The following LGR5 variants were observed in gnomAD, a reference collection of about 807,000 sequenced individuals.
The protein encoded by LGR5 is leucine-rich repeat-containing G protein-coupled receptor 5.
A neutral mutation model predicts 76.7 loss-of-function variants in LGR5; 54 were observed. The observed-to-expected ratio is 0.70, with a 90% CI of 0.57 to 0.88. The LOEUF (loss-of-function observed/expected upper bound fraction) is 0.88. Ranked by LOEUF, LGR5 falls within the 40% of genes least tolerant of loss-of-function variation. The pLI, the probability that LGR5 is intolerant of heterozygous loss-of-function variation, is 0.00. For missense variants in LGR5, 1,078 were observed against 1,073.3 expected, an observed-to-expected ratio of 1.00 and a Z score of -0.06; for synonymous variants, 406 against 421.9, an observed-to-expected ratio of 0.96 and a Z score of 0.46.
chr12:71,464,243 C>T (rs2137231934), intron 1 of LGR5, among the ~76,000 whole-genome samples: 1 of 152,136 alleles, frequency 6.6e-6, no homozygotes, highest in African/African-American at 2.4e-5. Context: ...CTGTTGAATC[C>T]CTTGAGCTTA....
intron 4 of LGR5, 71 bp from the exon 5 acceptor site, chr12:71,553,002 G>T (rs537944515): frequency 4.2e-6 from 6 of 1,434,002 alleles, no homozygotes; most frequent in Admixed American, 3.5e-5. Context: ...CATGGGGAGG[G>T]TTTTCCTGCA....
chr12:71,558,252 A>G (rs1877875486), intron 6 of LGR5, among the ~76,000 whole-genome samples: 1 of 152,222 alleles, frequency 6.6e-6, no homozygotes, highest in Admixed American at 6.5e-5. Context: ...TTGAACAATA[A>G]CAGGAATGAA....
chr12:71,439,582 C>T (rs978598065), upstream of LGR5, among the ~76,000 whole-genome samples: 2 of 151,836 alleles, frequency 1.3e-5, no homozygotes, highest in African/African-American at 2.4e-5. Flanking sequence ...ATCTTCCAGG[C>T]GGAGGCTCAG....
intron 2 of LGR5, among the ~76,000 whole-genome samples, chr12:71,514,461 A>G (rs982953492): frequency 1.2e-4 from 18 of 151,760 alleles, no homozygotes; most frequent in African/African-American, 2.9e-4. Flanking sequence ...CCAGCTACTC[A>G]GGAGGCTGAG....
intron 1 of LGR5, among the ~76,000 whole-genome samples, chr12:71,497,780 G>T (rs1380248307): frequency 2.6e-5 from 4 of 152,194 alleles, no homozygotes; most frequent in African/African-American, 7.2e-5. Flanking sequence ...GCACTGTGCT[G>T]CTAAAGATGT....
At chr12:71,486,943 C>A (rs1252942215) in intron 1 of LGR5, among the ~76,000 whole-genome samples, 1 of 152,060 alleles carries the variant, frequency 6.6e-6, no homozygotes, top group African/African-American at 2.4e-5. Flanking sequence ...TACAAATGAC[C>A]CTAAGTTAAG....
intron 1 of LGR5, among the ~76,000 whole-genome samples, chr12:71,490,047 T>C (rs934628367): frequency 2.6e-5 from 4 of 151,916 alleles, no homozygotes; most frequent in Admixed American, 6.6e-5. Context: ...GGAGCATCAC[T>C]TGAGCTCAGG....
intron 1 of LGR5, among the ~76,000 whole-genome samples, chr12:71,475,057 G>C (rs1319694323): frequency 6.6e-6 from 1 of 152,118 alleles, no homozygotes; most frequent in East Asian, 1.9e-4. Context: ...TGCAAGTAGG[G>C]TTCAAGAAGA....
At chr12:71,475,244 A>G (rs1476559762) in intron 1 of LGR5, among the ~76,000 whole-genome samples, 1 of 152,242 alleles carries the variant, frequency 6.6e-6, no homozygotes, top group Non-Finnish European at 1.5e-5. Context: ...AAAGTTGGCT[A>G]TCAAGAAAGA....
intron 6 of LGR5, among the ~76,000 whole-genome samples, chr12:71,558,839 T>C (rs1000973478): frequency 1.3e-5 from 2 of 152,184 alleles, no homozygotes; most frequent in South Asian, 2.1e-4. Flanking sequence ...GTAAAGCACT[T>C]GTGAGTAATG....
At chr12:71,539,739 A>C (rs1225676404) in intron 4 of LGR5, among the ~76,000 whole-genome samples, 3 of 152,224 alleles carry the variant, frequency 2.0e-5, no homozygotes, top group South Asian at 2.1e-4. Flanking sequence ...TGGCCTCCCA[A>C]AGTGCCGGGA....
At chr12:71,531,565 G>A (rs907327583) in intron 3 of LGR5, among the ~76,000 whole-genome samples, 1 of 152,038 alleles carries the variant, frequency 6.6e-6, no homozygotes, top group Non-Finnish European at 1.5e-5. Flanking sequence ...TAACGTGGGG[G>A]TAGCTTTAAA....
Position 71,439,931 on chromosome 12 carries a change from C to A in LGR5, c.-150C>A. Reference sequence around the variant, plus strand: ...CCGCCGCGCTTCTCCTCGCCGCCCACGCCGTGGGGTCAGGAACGCGGCGTC... The same window carrying A: ...CCGCCGCGCTTCTCCTCGCCGCCCAAGCCGTGGGGTCAGGAACGCGGCGTC... On this transcript the variant is annotated 5_prime_UTR_variant, in exon 1 of 18. Transcript: ENST00000266674. The A allele has an allele frequency of 1.5e-6, 1 of 667,476 alleles. No individual in the cohort carries two copies. The highest frequency in any genetic ancestry group is 2.4e-6 in the Non-Finnish European group (1 of 416,298). 41.3% of individuals were successfully genotyped at this position (667,476 alleles called of 1,614,324 possible). A position where few individuals can be genotyped will look rare whatever the true frequency, so the allele number is the denominator to read the frequency against.
chr12:71,559,529 T>C, intron 6 of LGR5, 57 bp from the exon 7 acceptor site: 2 of 923,712 alleles, frequency 2.2e-6, no homozygotes, highest in Non-Finnish European at 3.5e-6. Flanking sequence ...TCCTTGTAAA[T>C]AGAGTATATA....
chr12:71,524,815 A>C (rs1451244729), intron 3 of LGR5, among the ~76,000 whole-genome samples: 2 of 152,190 alleles, frequency 1.3e-5, no homozygotes, highest in Non-Finnish European at 2.9e-5. Flanking sequence ...TGACAGGATG[A>C]ATAAATCACT....
At chr12:71,447,412 G>GA (rs1370059063) in intron 1 of LGR5, among the ~76,000 whole-genome samples, 10 of 152,126 alleles carry the variant, frequency 6.6e-5, no homozygotes, top group Non-Finnish European at 1.5e-4. Context: ...AAAGTCAACA[G>GA]AAAAAACAGT....
chr12:71,570,567 T>A lies in LGR5; in HGVS notation c.1071-947T>A, dbSNP rs192837886. On this transcript the variant is annotated intron_variant, in intron 11 of 17. Transcript: ENST00000266674. ...CCATATTAATAATCAGGTATATTTG[T>A]GCATAGGTGTGAGATTTTGGAGGTA... 3.9e-3 allele frequency among the ~76,000 whole-genome samples: 587 copies of A among 152,298 alleles called. 8 individuals carry two copies. The highest frequency in any genetic ancestry group is 0.013 in the African/African-American group (534 of 41,562).
At chr12:71,556,301 C>A (rs1174501190) in intron 5 of LGR5, among the ~76,000 whole-genome samples, 1 of 151,738 alleles carries the variant, frequency 6.6e-6, no homozygotes, top group Non-Finnish European at 1.5e-5. Context: ...CAAACCTGCA[C>A]ATGCACCCCT....
At chr12:71,489,905 A>G (rs112500412) in intron 1 of LGR5, among the ~76,000 whole-genome samples, 159 of 151,970 alleles carry the variant, frequency 1.0e-3, no homozygotes, top group Non-Finnish European at 2.1e-3. Context: ...TCTGCAGAAA[A>G]AAGAAGAAGA....
Sources: gnomAD v4.1 joint callset for allele counts (sites outside exome capture counted in the v4.1 genomes callset) on GRCh38, gnomAD v4.1.1 for gene constraint, MANE v1.5 for transcripts, NCBI Gene and HGNC (gene_info 2026-07-23, HGNC 2026-07-21) for gene names.